The following KCNN2 variants were observed in gnomAD, a reference collection of about 807,000 sequenced individuals.
KCNN2 encodes potassium calcium-activated channel subfamily N member 2.
Under a neutral mutation model 55.5 loss-of-function variants are expected in KCNN2, and 24 were observed. The ratio of observed to expected loss-of-function variants is 0.43; its 90% CI spans 0.31 to 0.61. KCNN2 has a LOEUF of 0.61. Among genes scored for constraint, KCNN2 ranks in the 20% least tolerant of loss-of-function variants. KCNN2 has a pLI of 0.08. For synonymous variants in KCNN2, 431 were observed against 336.1 expected (o/e 1.28, Z -3.09); for missense variants, 754 against 853.6 (o/e 0.88, Z 1.45).
intron 2 of KCNN2, among the ~76,000 whole-genome samples, chr5:114,395,990 G>A (rs538612052): frequency 6.6e-6 from 1 of 152,280 alleles, no homozygotes; most frequent in South Asian, 2.1e-4. Context: ...TCTCTTCTGA[G>A]TGACCTGCAC....
At chr5:114,292,760 T>G (rs1203823801) in intron 2 of KCNN2, among the ~76,000 whole-genome samples, 1 of 152,236 alleles carries the variant, frequency 6.6e-6, no homozygotes, top group Non-Finnish European at 1.5e-5. Context: ...GGGATGGCAT[T>G]GAATCTATAA....
chr5:114,295,735 T>C (rs1467080664), intron 2 of KCNN2, among the ~76,000 whole-genome samples: 1 of 152,092 alleles, frequency 6.6e-6, no homozygotes, highest in Non-Finnish European at 1.5e-5. Context: ...TGGCACTCCC[T>C]AGTGAGATGA....
At chr5:114,130,356 G>A (rs1179348113) in intron 1 of KCNN2, among the ~76,000 whole-genome samples, 1 of 152,268 alleles carries the variant, frequency 6.6e-6, no homozygotes, top group African/African-American at 2.4e-5. Context: ...GAACTTAAGT[G>A]GGTCCAAAAT....
chr5:114,159,406 AGT>A (rs1752714976), intron 1 of KCNN2, among the ~76,000 whole-genome samples: 1 of 152,196 alleles, frequency 6.6e-6, no homozygotes, highest in Non-Finnish European at 1.5e-5. Flanking sequence ...TCGGTTTGGC[AGT>A]ATTTTATTGA....
intron 4 of KCNN2, among the ~76,000 whole-genome samples, chr5:114,470,137 T>C (rs1023901242): frequency 8.5e-5 from 13 of 152,210 alleles, no homozygotes; most frequent in Non-Finnish European, 1.6e-4. Flanking sequence ...GAATGGAGCC[T>C]GAGAATAAAC....
chr5:114,340,074 T>C (rs1368067891), intron 2 of KCNN2, among the ~76,000 whole-genome samples: 2 of 152,140 alleles, frequency 1.3e-5, no homozygotes, highest in African/African-American at 4.8e-5. Context: ...ATCTCTAAAG[T>C]CTGAATGCTT....
intron 2 of KCNN2, among the ~76,000 whole-genome samples, chr5:114,393,121 A>G (rs1001539011): frequency 6.6e-5 from 10 of 152,118 alleles, no homozygotes; most frequent in African/African-American, 2.4e-4. Flanking sequence ...ATTTAAATAT[A>G]AATCTTTCAT....
At chr5:114,244,475 T>C (rs1754711901) in intron 2 of KCNN2, among the ~76,000 whole-genome samples, 1 of 151,876 alleles carries the variant, frequency 6.6e-6, no homozygotes. Flanking sequence ...CGGGCACCTG[T>C]GATCCCAGCT....
intron 2 of KCNN2, among the ~76,000 whole-genome samples, chr5:114,227,014 T>G (rs2112599078): frequency 1.3e-5 from 2 of 152,238 alleles, no homozygotes; most frequent in South Asian, 4.1e-4. Flanking sequence ...AGCAAAATAC[T>G]TCTGTGTCTT....
intron 2 of KCNN2, among the ~76,000 whole-genome samples, chr5:114,304,023 G>A (rs1010029128): frequency 1.3e-5 from 2 of 152,150 alleles, no homozygotes; most frequent in Admixed American, 6.5e-5. Context: ...GAAATTAACT[G>A]TTATATACTT....
intron 1 of KCNN2, among the ~76,000 whole-genome samples, chr5:114,162,855 G>T (rs558673276): frequency 6.6e-6 from 1 of 152,124 alleles, no homozygotes; most frequent in African/African-American, 2.4e-5. Context: ...TTGGAAAAGC[G>T]CAGTATTAGG....
At chr5:114,314,787 T>C (rs1368936877) in intron 2 of KCNN2, among the ~76,000 whole-genome samples, 1 of 152,140 alleles carries the variant, frequency 6.6e-6, no homozygotes. Flanking sequence ...TGACTCCTTC[T>C]TGCACATTAC....
intron 1 of KCNN2, among the ~76,000 whole-genome samples, chr5:114,211,488 C>T (rs191910270): frequency 1.3e-5 from 2 of 152,224 alleles, no homozygotes; most frequent in African/African-American, 4.8e-5. Context: ...TATGTTCTCA[C>T]TTAATAGTGG....
chr5:114,432,513 C>T (rs1402135837), intron 3 of KCNN2, among the ~76,000 whole-genome samples: 2 of 152,134 alleles, frequency 1.3e-5, no homozygotes, highest in Non-Finnish European at 2.9e-5. Flanking sequence ...GAGGTGACAG[C>T]GTGCTGGCAG....
chr5:114,186,314 G>A (rs1443225757), intron 1 of KCNN2, among the ~76,000 whole-genome samples: 3 of 152,096 alleles, frequency 2.0e-5, no homozygotes, highest in Admixed American at 6.6e-5. Flanking sequence ...ATATTTGAAA[G>A]TACTTAGGTA....
intron 4 of KCNN2, among the ~76,000 whole-genome samples, chr5:114,472,038 G>A (rs1211936451): frequency 6.6e-6 from 1 of 152,152 alleles, no homozygotes; most frequent in African/African-American, 2.4e-5. Context: ...GACTAGCTGG[G>A]CAATGTCTAT....
chr5:114,223,998 A>G (rs1386258828), intron 2 of KCNN2, among the ~76,000 whole-genome samples: 2 of 152,198 alleles, frequency 1.3e-5, no homozygotes, highest in Non-Finnish European at 2.9e-5. Context: ...CCAGGGTGAA[A>G]CAGTGTTCAG....
intron 1 of KCNN2, among the ~76,000 whole-genome samples, chr5:114,140,909 C>A (rs1029161996): frequency 1.3e-5 from 2 of 151,574 alleles, no homozygotes; most frequent in East Asian, 3.9e-4. Context: ...CTGCCTCAGC[C>A]TCCTGAGTAG....
intron 1 of KCNN2, among the ~76,000 whole-genome samples, chr5:114,057,711 A>C (rs1449767846): frequency 6.6e-6 from 1 of 152,196 alleles, no homozygotes; most frequent in African/African-American, 2.4e-5. Flanking sequence ...GTGAGTGGAC[A>C]GGGAAGTTCT....
Sources: gnomAD v4.1 joint callset for allele counts (sites outside exome capture counted in the v4.1 genomes callset) on GRCh38, gnomAD v4.1.1 for gene constraint, MANE v1.5 for transcripts, NCBI Gene and HGNC (gene_info 2026-07-23, HGNC 2026-07-21) for gene names.